The following KDM4B variants were observed in gnomAD, a reference collection of about 807,000 sequenced individuals.
KDM4B encodes lysine demethylase 4B, also known as lysine-specific demethylase 4B.
Under a neutral mutation model 125.2 loss-of-function variants are expected in KDM4B, and 32 were observed. The observed-to-expected ratio is 0.26, with a 90% confidence interval of 0.19 to 0.34. The LOEUF is 0.34. Among genes scored for constraint, KDM4B ranks in the 10% least tolerant of loss-of-function variants. KDM4B has a pLI of 1.00. For synonymous variants in KDM4B, 721 were observed against 677.9 expected, an observed-to-expected ratio of 1.06 and a Z score of -0.99; for missense variants, 1,190 against 1,577.7, an observed-to-expected ratio of 0.75 and a Z score of 4.16.
At chr19:4,977,385 G>T (rs1461480545) in intron 1 of KDM4B, among the ~76,000 whole-genome samples, 1 of 152,244 alleles carries the variant, frequency 6.6e-6, no homozygotes, top group Non-Finnish European at 1.5e-5. Flanking sequence ...CCGTTTGCTG[G>T]TAGGCGCGAC....
At position 5,138,320 on chromosome 19, in the gene KDM4B, G is replaced by T. The variant is rs181413014; in HGVS notation, c.2550+250G>T. 5 of 531,320 alleles carry T rather than the reference G, an allele frequency of 9.4e-6. No individual in the cohort carries two copies. In the East Asian group the frequency reaches 1.7e-4, roughly 18 times the overall value. 32.9% of individuals were successfully genotyped at this position (531,320 alleles called of 1,614,324 possible). On this transcript the variant is annotated intron_variant, in intron 18 of 22. Transcript: ENST00000159111. ...TGGCAGAGATAAGCAGGCCCCGTCA[G>T]GTGTGGCCTTGGGGGCATCCTCTGC...
At chr19:5,117,854 C>G (rs2039287661) in intron 10 of KDM4B, among the ~76,000 whole-genome samples, 1 of 152,194 alleles carries the variant, frequency 6.6e-6, no homozygotes, top group Non-Finnish European at 1.5e-5. Context: ...CGCTTTCTGC[C>G]TTGAGTCATT....
chr19:4,971,248 G>T lies in KDM4B; in HGVS notation c.-109+2018G>T, dbSNP rs1359180406. Among the ~76,000 whole-genome samples, 7 of 152,212 alleles carry T rather than the reference G, an allele frequency of 4.6e-5. No individual in the cohort carries two copies. The highest frequency in any genetic ancestry group is 1.7e-4 in the African/African-American group (7 of 41,548). ...CAGCCACCGCACAGCACCCCGCCTG[G>T]CCTTTGTTGTACTTTTCTGTCTCGT... On this transcript the variant is annotated intron_variant, in intron 1 of 22. Coordinates refer to ENST00000159111, the MANE Select transcript of KDM4B (RefSeq NM_015015.3). The surrounding 1 kb of genome is among the most constrained non-coding windows in gnomAD (Gnocchi z 4.1).
At chr19:5,061,378 T>TA (rs2037592381) in intron 6 of KDM4B, among the ~76,000 whole-genome samples, 1 of 152,200 alleles carries the variant, frequency 6.6e-6, no homozygotes, top group African/African-American at 2.4e-5. Context: ...TCTTGTCCCG[T>TA]AAAACGATCC....
In KDM4B at chr19:5,039,892, G is replaced by A. The variant is rs1446270108; in HGVS notation, c.198G>A (p.Val66=). The A allele has an allele frequency of 3.1e-6, 5 of 1,612,900 alleles. No homozygotes were observed. The highest frequency in any genetic ancestry group is 4.2e-6 in the Non-Finnish European group (5 of 1,179,924). ...AGACGTATGATGACATCGACGACGT[G>A]GTGATCCCGGCGCCCATCCAGCAGG... ...PRQTYDDIDD[V]VIPAPIQQVV... is the part of the protein sequence containing the mutation. Residue 66 remains valine, a synonymous_variant, in exon 4 of 23, where the codon GTG becomes GTA. Transcript: ENST00000159111.
chr19:5,082,652 T>C lies in KDM4B; in HGVS notation c.918+148T>C. On this transcript the variant is annotated intron_variant, in intron 9 of 22. Coordinates refer to ENST00000159111, the MANE Select transcript of KDM4B (RefSeq NM_015015.3). The surrounding 1 kb of genome is among the most constrained non-coding windows in gnomAD (Gnocchi z 5.4). ...CAACCAGGGTCTGATTCTGGGCTCC[T>C]CAGAGAGCTTTTGCCCAGAACGCTC... 1 of 892,074 alleles carries C rather than the reference T, an allele frequency of 1.1e-6. No individual in the cohort carries two copies. Among genetic ancestry groups the C allele is most frequent in the Non-Finnish European group, 1.6e-6 (1 of 612,984 alleles). The allele number at this position is 892,074 out of a possible 1,614,324, so 55.3% of individuals were successfully genotyped here. A position where few individuals can be genotyped will look rare whatever the true frequency, so the allele number is the denominator to read the frequency against.
At chr19:5,008,735 C>T (rs1248867982) in intron 1 of KDM4B, among the ~76,000 whole-genome samples, 2 of 150,818 alleles carry the variant, frequency 1.3e-5, no homozygotes, top group Non-Finnish European at 2.9e-5. Flanking sequence ...GGACTATAGG[C>T]ATGTACCACC....
At chr19:5,025,852 C>CT (rs1439911695) in intron 2 of KDM4B, among the ~76,000 whole-genome samples, 1 of 151,970 alleles carries the variant, frequency 6.6e-6, no homozygotes, top group Non-Finnish European at 1.5e-5. Flanking sequence ...TGTCTTTTTC[C>CT]TTTTTTTTAA....
chr19:4,969,886 C>T lies in KDM4B; in HGVS notation c.-109+656C>T, dbSNP rs559841807. Among the ~76,000 whole-genome samples, 403 of 152,000 alleles carry T rather than the reference C, an allele frequency of 2.7e-3. 1 individual carries two copies. Among genetic ancestry groups the T allele is most frequent in the Non-Finnish European group, 4.5e-3 (305 of 67,942 alleles). ...CCACCCCGCCATAAGCATATGCAAT[C>T]TGGATTTTAGAAAAAAATCATCTTG... is the stretch of plus-strand genomic sequence containing the variant. On this transcript the variant is annotated intron_variant, in intron 1 of 22. Coordinates refer to ENST00000159111, the MANE Select transcript of KDM4B (RefSeq NM_015015.3).
chr19:5,131,266 G>T lies in KDM4B; in HGVS notation c.1506G>T (p.Leu502=). 6.2e-7 allele frequency: 1 copy of T among 1,610,304 alleles called. No individual in the cohort carries two copies. Among genetic ancestry groups the T allele is most frequent in the Non-Finnish European group, 8.5e-7 (1 of 1,178,598 alleles). ...PGPAAMEESP[L]PAPLNVVPPE... is the part of the protein sequence containing the mutation. ...CTGCAGCCATGGAGGAGAGCCCCCT[G>T]CCGGCACCCCTTAATGTCGTGCCCC... The change falls in exon 12 of 23, where the codon CTG becomes CTT. Residue 502 remains leucine, a synonymous_variant. Transcript: ENST00000159111.
At chr19:5,113,103 A>G (rs2039183054) in intron 10 of KDM4B, 1 of 152,224 alleles carries the variant, frequency 6.6e-6, no homozygotes, top group South Asian at 2.1e-4. Flanking sequence ...GCACGCAGGA[A>G]GTGGACCCCC....
chr19:5,118,546 G>A (rs920264422), intron 10 of KDM4B, among the ~76,000 whole-genome samples: 3 of 152,062 alleles, frequency 2.0e-5, no homozygotes, highest in Admixed American at 1.3e-4. Context: ...GCCAGGCCTC[G>A]GCTTCTCTGC....
intron 21 of KDM4B, among the ~76,000 whole-genome samples, chr19:5,146,004 C>T (rs1428471283): frequency 2.0e-5 from 3 of 152,218 alleles, no homozygotes; most frequent in Non-Finnish European, 2.9e-5. Flanking sequence ...CTGAAATGAT[C>T]GAGTGTCACT....
intron 1 of KDM4B, among the ~76,000 whole-genome samples, chr19:4,972,748 G>A (rs536968824): frequency 6.6e-6 from 1 of 152,312 alleles, no homozygotes; most frequent in South Asian, 2.1e-4. Context: ...TTAGCAGTGA[G>A]TGACTCCTAT....
intron 21 of KDM4B, 78 bp downstream of exon 21, chr19:5,144,980 C>T: frequency 1.3e-6 from 2 of 1,585,972 alleles, no homozygotes; most frequent in South Asian, 1.1e-5. Context: ...GGATCACACC[C>T]CTGGCCCAGG....
chr19:5,130,302 T>C (rs1183222631), intron 11 of KDM4B, among the ~76,000 whole-genome samples: 1 of 152,184 alleles, frequency 6.6e-6, no homozygotes, highest in Non-Finnish European at 1.5e-5. Context: ...CCCGCACGCT[T>C]CTGGGGGCTG....
chr19:5,033,195 C>T (rs563605333), intron 3 of KDM4B, among the ~76,000 whole-genome samples, 164 bp downstream of exon 3: 2 of 152,326 alleles, frequency 1.3e-5, no homozygotes, highest in African/African-American at 2.4e-5. Flanking sequence ...TTGTGGAGTT[C>T]CAACAATGTG....
chr19:5,055,977 C>G (rs1003746207), intron 6 of KDM4B, among the ~76,000 whole-genome samples: 1 of 152,178 alleles, frequency 6.6e-6, no homozygotes, highest in Non-Finnish European at 1.5e-5. Flanking sequence ...TTTCCTCTGT[C>G]TTCCCCCGTT....
At chr19:5,028,854 G>GT (rs2042520173) in intron 2 of KDM4B, among the ~76,000 whole-genome samples, 1 of 152,194 alleles carries the variant, frequency 6.6e-6, no homozygotes, top group South Asian at 2.1e-4. Context: ...TCACGTGCTT[G>GT]TTGGCCATTT....
Sources: allele counts gnomAD v4.1 joint callset (sites outside exome capture counted in the v4.1 genomes callset), GRCh38; gene constraint gnomAD v4.1.1; non-coding constraint Gnocchi (gnomAD v3.1); transcripts MANE v1.5; gene names NCBI Gene and HGNC (gene_info 2026-07-23, HGNC 2026-07-21).